The following RIMS2 variants were observed in gnomAD, a reference collection of about 807,000 sequenced individuals.
RIMS2 encodes the protein regulating synaptic membrane exocytosis 2.
Under a neutral mutation model 174.4 loss-of-function variants are expected in RIMS2, and 59 were observed. The observed-to-expected ratio is 0.34, with a 90% CI of 0.27 to 0.42. The LOEUF is 0.42. Ranked by LOEUF, RIMS2 falls within the 10% of genes least tolerant of loss-of-function variation. RIMS2 has a pLI of 1.00. For missense variants in RIMS2, 1,620 were observed against 1,666.3 expected (o/e 0.97, Z 0.48); for synonymous variants, 606 against 572.5 (o/e 1.06, Z -0.84).
intron 3 of RIMS2, among the ~76,000 whole-genome samples, chr8:103,809,656 A>C (rs2098674169): frequency 6.6e-6 from 1 of 152,168 alleles, no homozygotes; most frequent in Non-Finnish European, 1.5e-5. Flanking sequence ...GAATTGCTGT[A>C]ACCTTGAGAT....
chr8:103,954,874 T>C (rs1262560048), intron 14 of RIMS2, among the ~76,000 whole-genome samples: 1 of 151,104 alleles, frequency 6.6e-6, no homozygotes, highest in Non-Finnish European at 1.5e-5. Context: ...AACAAGAAAA[T>C]AGAGAAGAAT....
intron 3 of RIMS2, among the ~76,000 whole-genome samples, chr8:103,839,632 G>T (rs982266512): frequency 6.6e-6 from 1 of 152,142 alleles, no homozygotes; most frequent in African/African-American, 2.4e-5. Context: ...TCAACTTTCA[G>T]TCCTCAGCAG....
intron 19 of RIMS2, among the ~76,000 whole-genome samples, chr8:104,124,823 G>A (rs993489084): frequency 1.1e-4 from 17 of 152,164 alleles, no homozygotes; most frequent in African/African-American, 3.9e-4. Flanking sequence ...CCAACCTGCA[G>A]TAAAAGGAGC....
chr8:104,073,226 T>C (rs886487179), intron 19 of RIMS2, among the ~76,000 whole-genome samples: 5 of 152,196 alleles, frequency 3.3e-5, no homozygotes, highest in African/African-American at 1.2e-4. Flanking sequence ...ACAATGTATT[T>C]ATACATGGAA....
intron 3 of RIMS2, among the ~76,000 whole-genome samples, chr8:103,810,501 A>T (rs940747118): frequency 5.3e-5 from 8 of 152,298 alleles, no homozygotes; most frequent in Non-Finnish European, 7.3e-5. Flanking sequence ...TGTCATATGC[A>T]AGTTCTAGTG....
chr8:104,245,769 T>C (rs912172715), intron 20 of RIMS2, among the ~76,000 whole-genome samples: 1 of 152,200 alleles, frequency 6.6e-6, no homozygotes, highest in African/African-American at 2.4e-5. Context: ...AGATAACCTA[T>C]GTGTGGCCAG....
At chr8:104,063,082 C>A (rs2097034124) in intron 19 of RIMS2, among the ~76,000 whole-genome samples, 2 of 152,008 alleles carry the variant, frequency 1.3e-5, no homozygotes, top group South Asian at 4.2e-4. Context: ...ATTTTGTTAT[C>A]AATTATTTGG....
intron 15 of RIMS2, among the ~76,000 whole-genome samples, chr8:103,975,035 A>G (rs373302977): frequency 6.6e-6 from 1 of 152,228 alleles, no homozygotes; most frequent in East Asian, 1.9e-4. Context: ...AAATATTTTT[A>G]GAATAAATTT....
intron 19 of RIMS2, among the ~76,000 whole-genome samples, chr8:104,099,872 A>C (rs932384942): frequency 1.3e-4 from 20 of 151,044 alleles, no homozygotes; most frequent in Non-Finnish European, 1.9e-4. Flanking sequence ...GCTGGAGTAC[A>C]GTGGTGCAAT....
At chr8:104,202,246 A>G (rs1397888454) in intron 19 of RIMS2, among the ~76,000 whole-genome samples, 1 of 152,218 alleles carries the variant, frequency 6.6e-6, no homozygotes, top group Admixed American at 6.5e-5. Context: ...AAAAGAGCAG[A>G]AGTACTTAGG....
At position 103,568,608 on chromosome 8, in the gene RIMS2, A is replaced by G. The variant is rs1466970805; in HGVS notation, c.176+67546A>G. The G allele has an allele frequency of 3.6e-5, 20 of 560,832 alleles. No homozygotes were observed. The Admixed American group carries it at 4.0e-4, about 11-fold the overall frequency. The allele number at this position is 560,832 out of a possible 1,614,324, so 34.7% of individuals were successfully genotyped here. A position where few individuals can be genotyped will look rare whatever the true frequency, so the allele number is the denominator to read the frequency against. On this transcript the variant is annotated intron_variant, in intron 1 of 23. Coordinates refer to ENST00000504942, the Ensembl canonical transcript of RIMS2. Reference sequence around the variant, plus strand: ...CTTGTCTTCAGCTGTAACTGTGATCAGTTGTGACTGTGCAATATCAGCAAG... The same window carrying G: ...CTTGTCTTCAGCTGTAACTGTGATCGGTTGTGACTGTGCAATATCAGCAAG...
chr8:104,170,816 G>T (rs1586472455), intron 19 of RIMS2, among the ~76,000 whole-genome samples: 1 of 152,086 alleles, frequency 6.6e-6, no homozygotes, highest in East Asian at 1.9e-4. Context: ...TCAATGTTTA[G>T]AACTCCTCTT....
chr8:104,014,180 A>G (rs867956072), intron 18 of RIMS2, among the ~76,000 whole-genome samples: 56 of 152,302 alleles, frequency 3.7e-4, no homozygotes, highest in Middle Eastern at 3.4e-3. Flanking sequence ...GGTAGAAAGA[A>G]AAGTACTACC....
At chr8:104,201,693 CTGA>C (rs1473791529) in intron 19 of RIMS2, among the ~76,000 whole-genome samples, 1 of 152,058 alleles carries the variant, frequency 6.6e-6, no homozygotes, top group African/African-American at 2.4e-5. Context: ...GATTTGCTTC[CTGA>C]TAAGTGGAGA....
At chr8:103,924,261 G>A (rs2078287181) in intron 10 of RIMS2, among the ~76,000 whole-genome samples, 1 of 151,544 alleles carries the variant, frequency 6.6e-6, no homozygotes, top group Non-Finnish European at 1.5e-5. Flanking sequence ...ATCTACTTAA[G>A]AAATATATGT....
intron 1 of RIMS2, among the ~76,000 whole-genome samples, chr8:103,658,846 G>C (rs943224600): frequency 4.9e-4 from 75 of 152,142 alleles, no homozygotes; most frequent in African/African-American, 1.7e-3. Flanking sequence ...TTTACCTGTT[G>C]ATGACAAGAC....
At chr8:103,823,781 C>G (rs188489630) in intron 3 of RIMS2, among the ~76,000 whole-genome samples, 1 of 151,708 alleles carries the variant, frequency 6.6e-6, no homozygotes, top group South Asian at 2.1e-4. Flanking sequence ...TTTCATAGTT[C>G]TCAGGGTGCA....
rs140567875 is a variant in RIMS2, at chr8:103,989,967, G to A, written c.3044+546G>A. On this transcript the variant is annotated intron_variant, in intron 17 of 23. Coordinates refer to ENST00000504942, the Ensembl canonical transcript of RIMS2. ...AAGATTGTTTGCTGTATTTGGAAGA[G>A]CTCTCTGAATTTGCTCCATTAAATG... Among the ~76,000 whole-genome samples the A allele has an allele frequency of 2.2e-3, 332 of 152,242 alleles. 2 individuals carry two copies. Among genetic ancestry groups the A allele is most frequent in the Non-Finnish European group, 3.1e-3 (214 of 67,970 alleles).
At chr8:103,947,722 G>A (rs1404538023) in intron 14 of RIMS2, among the ~76,000 whole-genome samples, 6 of 152,110 alleles carry the variant, frequency 3.9e-5, no homozygotes, top group Admixed American at 6.6e-5. Flanking sequence ...CAAAGGCCTA[G>A]GACATTACTG....
Sources: allele counts gnomAD v4.1 joint callset (sites outside exome capture counted in the v4.1 genomes callset), GRCh38; gene constraint gnomAD v4.1.1; transcripts MANE v1.5; gene names NCBI Gene and HGNC (gene_info 2026-07-23, HGNC 2026-07-21).